The following IGF1R variants were observed in gnomAD, a reference collection of about 807,000 sequenced individuals.
IGF1R encodes insulin-like growth factor 1 receptor.
IGF1R carries 44 observed loss-of-function variants against 144.6 expected under a neutral mutation model. The ratio of observed to expected loss-of-function variants is 0.30; its 90% confidence interval spans 0.24 to 0.39. IGF1R has a LOEUF of 0.39. IGF1R is among the 10% of genes least tolerant of loss of function. The pLI is 1.00. For missense variants in IGF1R, 1,355 were observed against 1,833.7 expected, an observed-to-expected ratio of 0.74 and a Z score of 4.77; for synonymous variants, 795 against 722.8, an observed-to-expected ratio of 1.10 and a Z score of -1.60.
At chr15:98,914,731 T>C (rs893158391) in intron 8 of IGF1R, among the ~76,000 whole-genome samples, 1 of 152,228 alleles carries the variant, frequency 6.6e-6, no homozygotes, top group African/African-American at 2.4e-5. Flanking sequence ...AACCAGGCAC[T>C]GTACCAATGA....
intron 2 of IGF1R, among the ~76,000 whole-genome samples, chr15:98,757,793 C>T (rs2055192310): frequency 6.6e-6 from 1 of 152,156 alleles, no homozygotes; most frequent in Non-Finnish European, 1.5e-5. Context: ...TCTTTCTTTA[C>T]TGTGATAATG....
intron 1 of IGF1R, among the ~76,000 whole-genome samples, chr15:98,706,529 G>A (rs2053865481): frequency 1.3e-5 from 2 of 151,838 alleles, no homozygotes; most frequent in South Asian, 4.1e-4. Flanking sequence ...GTTCACTGGA[G>A]TGTTGTTTAT....
At chr15:98,798,588 A>G (rs944477071) in intron 2 of IGF1R, among the ~76,000 whole-genome samples, 1 of 152,036 alleles carries the variant, frequency 6.6e-6, no homozygotes, top group Non-Finnish European at 1.5e-5. Context: ...AGGATGGTGG[A>G]GATGGTCAGT....
At chr15:98,854,601 T>C (rs950982461) in intron 2 of IGF1R, among the ~76,000 whole-genome samples, 2 of 152,194 alleles carry the variant, frequency 1.3e-5, no homozygotes, top group Non-Finnish European at 2.9e-5. Flanking sequence ...GGTCAGCCTG[T>C]TCATTTTTTC....
Position 98,899,734 on chromosome 15 carries a change from A to C in IGF1R, c.1247+113A>C, listed in dbSNP as rs1382077514. On this transcript the variant is annotated intron_variant, in intron 5 of 20. Transcript: ENST00000650285. ...CCTGCCTTGTTAAAGAGAAGAAAGG[A>C]GGAAGCCGCAGTATTGCCTGTGCTG... The C allele has an allele frequency of 2.9e-6, 3 of 1,048,966 alleles. No individual in the cohort carries two copies. In the African/African-American group the frequency reaches 4.7e-5, roughly 16 times the overall value. 65.0% of individuals were successfully genotyped at this position (1,048,966 alleles called of 1,614,324 possible).
At chr15:98,719,769 T>C (rs1213643929) in intron 2 of IGF1R, among the ~76,000 whole-genome samples, 1 of 152,166 alleles carries the variant, frequency 6.6e-6, no homozygotes, top group Non-Finnish European at 1.5e-5. Context: ...TTCAGTGCTT[T>C]AGGGTGGGGG....
At chr15:98,760,695 A>C (rs958232197) in intron 2 of IGF1R, among the ~76,000 whole-genome samples, 2 of 152,158 alleles carry the variant, frequency 1.3e-5, no homozygotes, top group African/African-American at 4.8e-5. Flanking sequence ...CACCACTTGT[A>C]GTGATTGGAA....
chr15:98,907,611 G>C lies in IGF1R; in HGVS notation c.1248-1074G>C, dbSNP rs116934349. 5.1e-3 allele frequency among the ~76,000 whole-genome samples: 776 copies of C among 152,338 alleles called. 2 individuals carry two copies. The highest frequency in any genetic ancestry group is 7.6e-3 in the Non-Finnish European group (514 of 68,026). On this transcript the variant is annotated intron_variant, in intron 5 of 20. Coordinates refer to ENST00000650285, the MANE Select transcript of IGF1R (RefSeq NM_000875.5). ...CACAGAGGACTCAGAAGTCAACCCT[G>C]GCATTGTCTGCTGCCTTCCTGGGGA...
chr15:98,722,297 A>C (rs2141282469), intron 2 of IGF1R, among the ~76,000 whole-genome samples: 1 of 152,332 alleles, frequency 6.6e-6, no homozygotes, highest in Admixed American at 6.5e-5. Flanking sequence ...GAGGAGGGTA[A>C]GTTCCACATT....
intron 2 of IGF1R, among the ~76,000 whole-genome samples, chr15:98,767,045 G>A (rs1040407668): frequency 6.6e-6 from 1 of 152,104 alleles, no homozygotes; most frequent in African/African-American, 2.4e-5. Flanking sequence ...TACTCGCCCA[G>A]TGGTACCTTC....
chr15:98,686,040 A>G (rs1217186502), intron 1 of IGF1R, among the ~76,000 whole-genome samples: 1 of 152,108 alleles, frequency 6.6e-6, no homozygotes, highest in Non-Finnish European at 1.5e-5. Context: ...ACAACTCCCC[A>G]TTGCCTTTTT....
intron 2 of IGF1R, among the ~76,000 whole-genome samples, chr15:98,715,263 G>C (rs2054086602): frequency 6.6e-6 from 1 of 152,168 alleles, no homozygotes. Context: ...CTCATTTCTT[G>C]GGGCGTGTGC....
chr15:98,850,043 C>A (rs1021937713), intron 2 of IGF1R, among the ~76,000 whole-genome samples: 3 of 152,226 alleles, frequency 2.0e-5, no homozygotes, highest in African/African-American at 7.2e-5. Context: ...GCATTTACCC[C>A]ATAGACTTGC....
At chr15:98,796,222 G>A (rs1355120184) in intron 2 of IGF1R, among the ~76,000 whole-genome samples, 1 of 152,110 alleles carries the variant, frequency 6.6e-6, no homozygotes, top group East Asian at 1.9e-4. Context: ...GTTAGTAGTA[G>A]ACTGTGTGTG....
At chr15:98,732,473 G>A (rs896975845) in intron 2 of IGF1R, among the ~76,000 whole-genome samples, 6 of 152,200 alleles carry the variant, frequency 3.9e-5, no homozygotes, top group African/African-American at 1.4e-4. Flanking sequence ...GCAGATCTGT[G>A]TTTCCTGAAG....
chr15:98,838,130 T>A (rs1367636044), intron 2 of IGF1R, among the ~76,000 whole-genome samples: 1 of 152,218 alleles, frequency 6.6e-6, no homozygotes, highest in Non-Finnish European at 1.5e-5. Context: ...GAGAAAAAAC[T>A]TAGATTTTCT....
chr15:98,650,589 C>G (rs2052335911), intron 1 of IGF1R, among the ~76,000 whole-genome samples: 1 of 152,210 alleles, frequency 6.6e-6, no homozygotes, highest in Non-Finnish European at 1.5e-5. Context: ...ACGTGCATTC[C>G]GACACACGTG....
chr15:98,828,966 C>G (rs1182540740), intron 2 of IGF1R, among the ~76,000 whole-genome samples: 2 of 151,992 alleles, frequency 1.3e-5, no homozygotes, highest in African/African-American at 4.8e-5. Context: ...TACTTTCAAG[C>G]CCTCCGAAGC....
At chr15:98,762,094 T>C (rs2055313994) in intron 2 of IGF1R, among the ~76,000 whole-genome samples, 1 of 152,232 alleles carries the variant, frequency 6.6e-6, no homozygotes, top group African/African-American at 2.4e-5. Context: ...CCCATCTTTG[T>C]GATGATGTAG....
Sources: gnomAD v4.1 joint callset for allele counts (sites outside exome capture counted in the v4.1 genomes callset) on GRCh38, gnomAD v4.1.1 for gene constraint, MANE v1.5 for transcripts, NCBI Gene and HGNC (gene_info 2026-07-23, HGNC 2026-07-21) for gene names.